SYN3: variants seen among roughly 807,000 people sequenced by gnomAD.
The protein encoded by SYN3 is synapsin-3.
A neutral mutation model predicts 65.8 loss-of-function variants in SYN3; 35 were observed. The observed-to-expected ratio is 0.53, with a 90% CI of 0.41 to 0.70. SYN3 has a LOEUF of 0.70. Ranked by LOEUF, SYN3 falls within the 30% of genes least tolerant of loss-of-function variation. SYN3 has a pLI of 0.00. For synonymous variants in SYN3, 270 were observed against 292.9 expected, an observed-to-expected ratio of 0.92 and a Z score of 0.80; for missense variants, 680 against 749.0, an observed-to-expected ratio of 0.91 and a Z score of 1.08.
At chr22:32,666,046 T>G (rs1170899956) in intron 6 of SYN3, among the ~76,000 whole-genome samples, 1 of 152,150 alleles carries the variant, frequency 6.6e-6, no homozygotes, top group Non-Finnish European at 1.5e-5. Flanking sequence ...ACCCTGCGGC[T>G]CTCTCGATGC....
chr22:32,763,942 CCCTT>C (rs2045556062), intron 6 of SYN3, among the ~76,000 whole-genome samples: 2 of 147,490 alleles, frequency 1.4e-5, no homozygotes. Flanking sequence ...AGCCCCCCCC[CCCTT>C]TTTTTTTTTG....
At chr22:33,054,620 A>T (rs777100093) in intron 1 of SYN3, among the ~76,000 whole-genome samples, 1 of 152,112 alleles carries the variant, frequency 6.6e-6, no homozygotes, top group Non-Finnish European at 1.5e-5. Context: ...GTCTCTATGG[A>T]TTGACCTATT....
At chr22:33,053,189 G>A (rs1601970685) in intron 1 of SYN3, among the ~76,000 whole-genome samples, 1 of 152,180 alleles carries the variant, frequency 6.6e-6, no homozygotes, top group African/African-American at 2.4e-5. Flanking sequence ...TTGGGAGGCC[G>A]AGGTGGGTGT....
At position 32,837,298 on chromosome 22, in the gene SYN3, G is replaced by A. The variant is rs2047760102; in HGVS notation, c.711+27617C>T. ...AAAGTTTCCCATGGGCCCCCGTGGA[G>A]AGGCTGGAGCACTCTCAGGGGATAG... On this transcript the variant is annotated intron_variant, in intron 6 of 13. Coordinates refer to ENST00000358763, the MANE Select transcript of SYN3 (RefSeq NM_003490.4). This position sits in a 1 kb window ranked among gnomAD's most constrained non-coding sequence, Gnocchi z 4.1. Among the ~76,000 whole-genome samples, 1 of 152,224 alleles carries A rather than the reference G, an allele frequency of 6.6e-6. No individual in the cohort carries two copies. The highest frequency in any genetic ancestry group is 2.1e-4 in the South Asian group (1 of 4,832).
At chr22:32,880,585 C>T (rs1266653150) in intron 4 of SYN3, among the ~76,000 whole-genome samples, 1 of 152,158 alleles carries the variant, frequency 6.6e-6, no homozygotes, top group Non-Finnish European at 1.5e-5. Context: ...GATGCAGTTA[C>T]CATCAGCCCA....
At chr22:32,968,633 G>A (rs533873810) in intron 3 of SYN3, among the ~76,000 whole-genome samples, 10 of 152,252 alleles carry the variant, frequency 6.6e-5, no homozygotes, top group Non-Finnish European at 1.3e-4. Flanking sequence ...GTGACAAGCT[G>A]AGACTTGAAT....
chr22:32,608,911 C>T (rs1221405489), intron 6 of SYN3, among the ~76,000 whole-genome samples: 5 of 152,184 alleles, frequency 3.3e-5, no homozygotes, highest in African/African-American at 9.7e-5. Context: ...AACTCCCCCT[C>T]CTTCAAATTA....
At chr22:32,884,036 C>A (rs115821689) in intron 4 of SYN3, among the ~76,000 whole-genome samples, 1,682 of 152,310 alleles carry the variant, frequency 0.011, 17 homozygotes, top group Middle Eastern at 0.031. Flanking sequence ...CTAGCTGGGA[C>A]TTATTCTTTC....
At chr22:32,660,729 G>A (rs1338532713) in intron 6 of SYN3, among the ~76,000 whole-genome samples, 15 of 152,164 alleles carry the variant, frequency 9.9e-5, no homozygotes, top group African/African-American at 3.1e-4. Flanking sequence ...TCCAGTTGGC[G>A]CCATGTCTAT....
At chr22:32,867,047 G>C (rs2048705258) in intron 5 of SYN3, among the ~76,000 whole-genome samples, 1 of 152,112 alleles carries the variant, frequency 6.6e-6, no homozygotes, top group Non-Finnish European at 1.5e-5. Flanking sequence ...AGGTTAATGG[G>C]GTTGCTGCTC....
At chr22:32,518,771 C>A (rs955266810) in intron 12 of SYN3, among the ~76,000 whole-genome samples, 5 of 152,144 alleles carry the variant, frequency 3.3e-5, no homozygotes, top group Admixed American at 6.5e-5. Context: ...AATAAAGATT[C>A]TGATAGAGTG....
intron 6 of SYN3, among the ~76,000 whole-genome samples, chr22:32,846,952 A>G (rs1359473500): frequency 6.6e-6 from 1 of 152,230 alleles, no homozygotes; most frequent in Non-Finnish European, 1.5e-5. Context: ...TTGTATGTGC[A>G]GAAGCTTCCA....
chr22:32,757,326 T>C (rs1331558498), intron 6 of SYN3, among the ~76,000 whole-genome samples: 1 of 143,484 alleles, frequency 7.0e-6, no homozygotes, highest in Non-Finnish European at 1.5e-5. Context: ...AGGTGGAGTT[T>C]TGCTCTTCTT....
At chr22:32,928,669 C>A (rs1029215644) in intron 4 of SYN3, among the ~76,000 whole-genome samples, 1 of 151,828 alleles carries the variant, frequency 6.6e-6, no homozygotes, top group Non-Finnish European at 1.5e-5. Flanking sequence ...TTTATTTATC[C>A]GCTTGAAATT....
chr22:32,568,797 A>G (rs1335911629), intron 7 of SYN3, among the ~76,000 whole-genome samples: 1 of 152,186 alleles, frequency 6.6e-6, no homozygotes, highest in African/African-American at 2.4e-5. Context: ...GGTTGGTAAC[A>G]AATTGGTAGA....
chr22:32,814,185 G>A lies in SYN3; in HGVS notation c.711+50730C>T, dbSNP rs7511579. Reference sequence around the variant, plus strand: ...GAGAGAGAAAGAGAAAGAAAGAAAAGAAAGAAAGAAAGAAAGAAAGAAAAC... The same window carrying A: ...GAGAGAGAAAGAGAAAGAAAGAAAAAAAAGAAAGAAAGAAAGAAAGAAAAC... On this transcript the variant is annotated intron_variant, in intron 6 of 13. Transcript: ENST00000358763. Among the ~76,000 whole-genome samples the A allele has an allele frequency of 7.2e-3, 78 of 10,858 alleles. 1 individual carries two copies. The highest frequency in any genetic ancestry group is 0.026 in the African/African-American group (72 of 2,718). The allele number at this position is 10,858 out of a possible 152,430, so 7.1% of individuals were successfully genotyped here.
In SYN3 at chr22:32,508,951, C is replaced by T. The variant is rs773313686; in HGVS notation, c.*4741G>A. Among the ~76,000 whole-genome samples the T allele has an allele frequency of 5.9e-5, 9 of 152,184 alleles. No homozygotes were observed. Among genetic ancestry groups the T allele is most frequent in the Non-Finnish European group, 8.8e-5 (6 of 68,032 alleles). On this transcript the variant is annotated 3_prime_UTR_variant, in exon 14 of 14. Coordinates refer to ENST00000358763, the MANE Select transcript of SYN3 (RefSeq NM_003490.4). ...TGTTACCATGTGAGTGAAGACCTAT[C>T]ATCCCCTTAAATTTTGGAAAGATAG... is the stretch of plus-strand genomic sequence containing the variant.
At chr22:32,890,092 T>C (rs1313792653) in intron 4 of SYN3, among the ~76,000 whole-genome samples, 1 of 148,478 alleles carries the variant, frequency 6.7e-6, no homozygotes, top group Non-Finnish European at 1.5e-5. Context: ...TTTTTTTTTT[T>C]TTTGAGACAG....
intron 6 of SYN3, among the ~76,000 whole-genome samples, chr22:32,707,301 A>G (rs977836948): frequency 6.6e-6 from 1 of 152,156 alleles, no homozygotes; most frequent in African/African-American, 2.4e-5. Context: ...ACAAATAATA[A>G]GGGACTCATG....
Sources: gnomAD v4.1 joint callset for allele counts (sites outside exome capture counted in the v4.1 genomes callset) on GRCh38, gnomAD v4.1.1 for gene constraint, Gnocchi (gnomAD v3.1) non-coding constraint, MANE v1.5 for transcripts, NCBI Gene and HGNC (gene_info 2026-07-23, HGNC 2026-07-21) for gene names.